The following ADAMTSL1 variants were observed in gnomAD, a reference collection of about 807,000 sequenced individuals.
ADAMTSL1 encodes the protein ADAMTS-like protein 1.
A neutral mutation model predicts 201.8 loss-of-function variants in ADAMTSL1; 126 were observed. The observed-to-expected ratio is 0.62, with a 90% CI of 0.54 to 0.72. ADAMTSL1 has a LOEUF of 0.72. Among genes scored for constraint, ADAMTSL1 ranks in the 30% least tolerant of loss-of-function variants. The pLI is 0.00. For synonymous variants in ADAMTSL1, 1,121 were observed against 903.4 expected (o/e 1.24, Z -4.32); for missense variants, 2,679 against 2,277.8 (o/e 1.18, Z -3.59).
intron 23 of ADAMTSL1, among the ~76,000 whole-genome samples, chr9:18,884,060 C>T (rs1171602773): frequency 6.6e-6 from 1 of 152,108 alleles, no homozygotes; most frequent in Non-Finnish European, 1.5e-5. Flanking sequence ...CCAATTTTTT[C>T]ACATATTTGC....
At chr9:18,422,407 A>G (rs1818997942) in intron 2 of ADAMTSL1, among the ~76,000 whole-genome samples, 1 of 152,174 alleles carries the variant, frequency 6.6e-6, no homozygotes, top group Non-Finnish European at 1.5e-5. Flanking sequence ...GAATAATGTT[A>G]CATTGTGTTT....
At chr9:18,099,621 T>C (rs1824427108) in intron 1 of ADAMTSL1, among the ~76,000 whole-genome samples, 1 of 149,064 alleles carries the variant, frequency 6.7e-6, no homozygotes, top group South Asian at 2.1e-4. Flanking sequence ...TCTTTCTTCC[T>C]TTTTCTCTCT....
At chr9:17,930,680 G>A (rs148822339) in intron 1 of ADAMTSL1, among the ~76,000 whole-genome samples, 17 of 152,270 alleles carry the variant, frequency 1.1e-4, no homozygotes, top group East Asian at 3.9e-4. Flanking sequence ...GGTGGAAACC[G>A]CTAAAAATAG....
chr9:18,305,862 A>G (rs1001636003), intron 2 of ADAMTSL1, among the ~76,000 whole-genome samples: 2 of 151,962 alleles, frequency 1.3e-5, no homozygotes, highest in African/African-American at 4.8e-5. Flanking sequence ...CTCTACTAAG[A>G]GACAGACTGC....
At chr9:18,882,631 C>T (rs1828603547) in intron 23 of ADAMTSL1, among the ~76,000 whole-genome samples, 1 of 152,070 alleles carries the variant, frequency 6.6e-6, no homozygotes, top group African/African-American at 2.4e-5. Context: ...CCATGGACCT[C>T]GTGGCATGTA....
chr9:18,095,919 T>G (rs1212229266), intron 1 of ADAMTSL1, among the ~76,000 whole-genome samples: 1 of 152,184 alleles, frequency 6.6e-6, no homozygotes, highest in African/African-American at 2.4e-5. Flanking sequence ...GCCTCCTGAA[T>G]GGGAAATATG....
At chr9:18,779,132 G>A (rs187400749) in intron 19 of ADAMTSL1, among the ~76,000 whole-genome samples, 150 of 152,266 alleles carry the variant, frequency 9.9e-4, no homozygotes, top group African/African-American at 3.2e-3. Context: ...CCAGTTTTAC[G>A]TAGAAAACCA....
At chr9:18,567,243 T>G (rs1204530466) in intron 3 of ADAMTSL1, among the ~76,000 whole-genome samples, 1 of 152,104 alleles carries the variant, frequency 6.6e-6, no homozygotes, top group Non-Finnish European at 1.5e-5. Flanking sequence ...GGCAGGTGGA[T>G]CTCTTGAGGT....
chr9:18,397,886 C>G (rs1054146681), intron 2 of ADAMTSL1, among the ~76,000 whole-genome samples: 1 of 152,142 alleles, frequency 6.6e-6, no homozygotes, highest in Non-Finnish European at 1.5e-5. Context: ...GAATAAGCCT[C>G]TCTGGATTCA....
chr9:18,313,604 A>G (rs975618307), intron 2 of ADAMTSL1, among the ~76,000 whole-genome samples: 10 of 152,162 alleles, frequency 6.6e-5, no homozygotes, highest in African/African-American at 2.4e-4. Context: ...GAAAAATCAG[A>G]TATCTACATG....
At position 18,416,923 on chromosome 9, in the gene ADAMTSL1, A is replaced by G. The variant is rs943276630; in HGVS notation, c.208-87906A>G. Among the ~76,000 whole-genome samples the G allele has an allele frequency of 2.6e-5, 4 of 152,060 alleles. No homozygotes were observed. The South Asian group carries it at 6.2e-4, about 24-fold the overall frequency. ...CAACACAATCAGCTAATTGACATTTATAGGACACTCTGGACATTTATAGGA... is the reference window on the plus strand; with the variant it reads ...CAACACAATCAGCTAATTGACATTTGTAGGACACTCTGGACATTTATAGGA... On this transcript the variant is annotated intron_variant, in intron 2 of 29. Transcript: ENST00000680146.
rs115325882 is a variant in ADAMTSL1, at chr9:18,898,544, T to C, written c.4851+5948T>C. The stretch of plus-strand genomic sequence containing the variant: ...GTAAAAAGACCAAACCTATGACTGA[T>C]TGGGGTACTTGAAAGAGACAGGGAG... On this transcript the variant is annotated intron_variant, in intron 26 of 28. Transcript: ENST00000380548. 4.9e-3 allele frequency among the ~76,000 whole-genome samples: 752 copies of C among 152,222 alleles called. 3 individuals are homozygous for C. Among genetic ancestry groups the C allele is most frequent in the Middle Eastern group, 0.014 (4 of 294 alleles).
intron 3 of ADAMTSL1, among the ~76,000 whole-genome samples, chr9:18,572,558 A>T (rs1166489377): frequency 6.6e-6 from 1 of 152,166 alleles, no homozygotes; most frequent in Non-Finnish European, 1.5e-5. Context: ...ACTAACAGTA[A>T]AATGTCTTTG....
At chr9:18,839,967 T>G (rs1423003008) in intron 23 of ADAMTSL1, among the ~76,000 whole-genome samples, 5 of 150,390 alleles carry the variant, frequency 3.3e-5, no homozygotes, top group Non-Finnish European at 7.4e-5. Context: ...TGCGAAAATT[T>G]TCTCCCATTT....
intron 14 of ADAMTSL1, among the ~76,000 whole-genome samples, chr9:18,711,047 A>T (rs1247741035): frequency 3.3e-5 from 5 of 152,176 alleles, no homozygotes; most frequent in South Asian, 2.1e-4. Context: ...CTTATGCATG[A>T]GCAAGGAAGC....
chr9:18,178,780 A>G (rs537834587), intron 2 of ADAMTSL1, among the ~76,000 whole-genome samples: 7 of 152,158 alleles, frequency 4.6e-5, no homozygotes, highest in Non-Finnish European at 8.8e-5. Context: ...GACACCTCAC[A>G]TGGCCAGGTA....
chr9:18,187,677 A>G (rs1033459725), intron 2 of ADAMTSL1, among the ~76,000 whole-genome samples: 3 of 152,096 alleles, frequency 2.0e-5, no homozygotes, highest in Non-Finnish European at 2.9e-5. Flanking sequence ...TCTTCCCTGT[A>G]ACAAGGATAA....
chr9:18,164,343 T>C (rs1239894159), intron 2 of ADAMTSL1, among the ~76,000 whole-genome samples: 1 of 151,946 alleles, frequency 6.6e-6, no homozygotes, highest in Non-Finnish European at 1.5e-5. Context: ...GATTGTTTTA[T>C]GGGTCAGTGG....
chr9:17,970,313 C>T (rs549440063), intron 1 of ADAMTSL1, among the ~76,000 whole-genome samples: 2 of 152,054 alleles, frequency 1.3e-5, no homozygotes, highest in Admixed American at 6.6e-5. Context: ...ACCCCAACTG[C>T]CCTGTTAGCT....
Sources: gnomAD v4.1 joint callset for allele counts (sites outside exome capture counted in the v4.1 genomes callset) on GRCh38, gnomAD v4.1.1 for gene constraint, MANE v1.5 for transcripts, NCBI Gene and HGNC (gene_info 2026-07-23, HGNC 2026-07-21) for gene names.